The following TNKS variants were observed in gnomAD, a reference collection of about 807,000 sequenced individuals.
TNKS encodes poly [ADP-ribose] polymerase tankyrase-1.
In TNKS, 72 loss-of-function variants were observed where a neutral mutation model predicts 135.8. That is an observed-to-expected ratio of 0.53 (90% CI 0.44 to 0.64). The LOEUF (loss-of-function observed/expected upper bound fraction) is 0.64. TNKS is among the 30% of genes least tolerant of loss of function. The pLI is 0.00. For missense variants in TNKS, 1,769 were observed against 1,674.0 expected, an observed-to-expected ratio of 1.06 and a Z score of -0.99; for synonymous variants, 849 against 649.3, an observed-to-expected ratio of 1.31 and a Z score of -4.68.
chr8:9,735,686 G>C (rs552491494), intron 17 of TNKS, among the ~76,000 whole-genome samples, 200 bp downstream of exon 17: 21 of 152,124 alleles, frequency 1.4e-4, no homozygotes, highest in African/African-American at 4.8e-4. Flanking sequence ...TGTAGTCCCA[G>C]CTACTCGGGA....
At chr8:9,594,350 C>T (rs975577340) in intron 2 of TNKS, among the ~76,000 whole-genome samples, 1 of 152,006 alleles carries the variant, frequency 6.6e-6, no homozygotes, top group Non-Finnish European at 1.5e-5. Context: ...TTGCATGGTC[C>T]AGTGTGATAG....
At chr8:9,580,057 G>C (rs974335613) in intron 1 of TNKS, 102 bp from the exon 2 acceptor site, 4 of 914,698 alleles carry the variant, frequency 4.4e-6, no homozygotes, top group Non-Finnish European at 7.0e-6. Flanking sequence ...ATAGAGTGCA[G>C]TACTTCAGTT....
chr8:9,591,734 G>C (rs1352834443), intron 2 of TNKS, among the ~76,000 whole-genome samples: 3 of 152,094 alleles, frequency 2.0e-5, no homozygotes, highest in African/African-American at 7.2e-5. Flanking sequence ...AATGGTATCT[G>C]TATACAGGCA....
At chr8:9,565,814 G>A (rs1042741162) in intron 1 of TNKS, among the ~76,000 whole-genome samples, 2 of 151,926 alleles carry the variant, frequency 1.3e-5, no homozygotes, top group East Asian at 1.9e-4. Context: ...CCGAGATCAC[G>A]CCACTGCACT....
intron 1 of TNKS, among the ~76,000 whole-genome samples, chr8:9,575,951 A>C (rs897613344): frequency 6.6e-6 from 1 of 152,224 alleles, no homozygotes; most frequent in Non-Finnish European, 1.5e-5. Flanking sequence ...ATTTAAAAAA[A>C]TAATTCTGTT....
chr8:9,560,493 CTTTTTTTTTTTTTTT>C (rs535715245), intron 1 of TNKS, among the ~76,000 whole-genome samples: 5 of 42,286 alleles, frequency 1.2e-4, no homozygotes, highest in Admixed American at 5.3e-4. Flanking sequence ...CCATACTTGT[CTTTTTTTTTTTTTTT>C]TTTTTTTTTT....
At chr8:9,624,301 T>C (rs1452357653) in intron 3 of TNKS, among the ~76,000 whole-genome samples, 3 of 152,242 alleles carry the variant, frequency 2.0e-5, no homozygotes, top group Non-Finnish European at 4.4e-5. Flanking sequence ...AATGGTTCTT[T>C]AAAATATAAT....
chr8:9,772,418 C>G, intron 26 of TNKS: 2 of 455,510 alleles, frequency 4.4e-6, no homozygotes, highest in Non-Finnish European at 8.8e-6. Context: ...GCCAAAAATA[C>G]ATGATGTAAG....
chr8:9,753,418 A>G (rs1806655783), intron 20 of TNKS, among the ~76,000 whole-genome samples: 1 of 152,188 alleles, frequency 6.6e-6, no homozygotes, highest in South Asian at 2.1e-4. Context: ...AAAGTTGGCC[A>G]TACATTCCAA....
chr8:9,669,336 T>C (rs1230675803), intron 3 of TNKS, among the ~76,000 whole-genome samples: 1 of 147,450 alleles, frequency 6.8e-6, no homozygotes, highest in African/African-American at 2.5e-5. Context: ...GAGAATGGCG[T>C]GAACCCGGGA....
intron 3 of TNKS, among the ~76,000 whole-genome samples, chr8:9,620,256 T>C (rs1176754093): frequency 6.6e-6 from 1 of 152,106 alleles, no homozygotes; most frequent in Non-Finnish European, 1.5e-5. Context: ...CGGGACTCCT[T>C]TCTTTGCCTC....
intron 2 of TNKS, among the ~76,000 whole-genome samples, chr8:9,594,379 T>G (rs1176112409): frequency 1.3e-5 from 2 of 152,220 alleles, no homozygotes; most frequent in Non-Finnish European, 2.9e-5. Flanking sequence ...TTAAAATCAA[T>G]TACAGTTTTA....
At chr8:9,707,494 C>T (rs1171354697) in intron 8 of TNKS, among the ~76,000 whole-genome samples, 1 of 152,158 alleles carries the variant, frequency 6.6e-6, no homozygotes, top group Non-Finnish European at 1.5e-5. Flanking sequence ...TGCAAGGCTG[C>T]ACAATCATAT....
chr8:9,559,474 A>T (rs557463769), intron 1 of TNKS, among the ~76,000 whole-genome samples: 2 of 152,150 alleles, frequency 1.3e-5, no homozygotes, highest in African/African-American at 2.4e-5. Flanking sequence ...TTCAGGGATT[A>T]CATGTGCAGG....
intron 3 of TNKS, among the ~76,000 whole-genome samples, chr8:9,631,720 T>C (rs1235419133): frequency 1.3e-5 from 2 of 152,130 alleles, no homozygotes; most frequent in Non-Finnish European, 2.9e-5. Flanking sequence ...TCGTAAGTCT[T>C]TTCCAAAATA....
At chr8:9,703,942 G>A (rs1197304407) in intron 5 of TNKS, among the ~76,000 whole-genome samples, 9 of 152,130 alleles carry the variant, frequency 5.9e-5, no homozygotes. Flanking sequence ...AATTTTAGTA[G>A]AGAACCTTCT....
intron 2 of TNKS, among the ~76,000 whole-genome samples, chr8:9,580,917 A>T (rs184385489): frequency 1.3e-5 from 2 of 152,338 alleles, no homozygotes; most frequent in East Asian, 3.9e-4. Flanking sequence ...AGGTATCTAG[A>T]TGAAACGAAG....
rs571099094 is a variant in TNKS at position 9,683,318 on chromosome 8, A to T, written c.1107+2518A>T. Among the ~76,000 whole-genome samples the T allele has an allele frequency of 3.3e-5, 5 of 152,126 alleles. No individual in the cohort carries two copies. The South Asian group carries it at 1.0e-3, about 32-fold the overall frequency. ...AAATTACAAGTATCTGTCCTAGTAG[A>T]TATGTAGTCCTTTTTTAGAACATTT... On this transcript the variant is annotated intron_variant, in intron 5 of 26. Coordinates refer to ENST00000310430, the MANE Select transcript of TNKS (RefSeq NM_003747.3).
intron 3 of TNKS, among the ~76,000 whole-genome samples, chr8:9,677,430 G>T (rs1226888653): frequency 1.3e-5 from 2 of 152,106 alleles, no homozygotes; most frequent in South Asian, 4.1e-4. Flanking sequence ...GAACTTTGAG[G>T]TTCCTAAATA....
Sources: gnomAD v4.1 joint callset for allele counts (sites outside exome capture counted in the v4.1 genomes callset) on GRCh38, gnomAD v4.1.1 for gene constraint, MANE v1.5 for transcripts, NCBI Gene and HGNC (gene_info 2026-07-23, HGNC 2026-07-21) for gene names.